FAF1: variants seen among roughly 807,000 people sequenced by gnomAD.
FAF1 encodes FAS-associated factor 1.
FAF1 carries 25 observed loss-of-function variants against 92.5 expected under a neutral mutation model. That is an observed-to-expected ratio of 0.27 (90% CI 0.20 to 0.38). The LOEUF (loss-of-function observed/expected upper bound fraction) is 0.38. Ranked by LOEUF, FAF1 falls within the 10% of genes least tolerant of loss-of-function variation. The pLI, the probability that FAF1 is intolerant of heterozygous loss-of-function variation, is 1.00. For synonymous variants in FAF1, 234 were observed against 273.2 expected, an observed-to-expected ratio of 0.86 and a Z score of 1.42; for missense variants, 636 against 793.3, an observed-to-expected ratio of 0.80 and a Z score of 2.38.
chr1:50,834,712 A>AT (rs1408696213), intron 2 of FAF1, among the ~76,000 whole-genome samples: 1 of 152,256 alleles, frequency 6.6e-6, no homozygotes, highest in African/African-American at 2.4e-5. Flanking sequence ...GGAAAAGTAT[A>AT]TTCATAGTGT....
intron 1 of FAF1, among the ~76,000 whole-genome samples, chr1:50,883,799 T>C (rs914977360): frequency 6.6e-6 from 1 of 152,208 alleles, no homozygotes; most frequent in African/African-American, 2.4e-5. Flanking sequence ...ATTATGGAAT[T>C]ATTAATTTAC....
At chr1:50,453,203 G>GA (rs540214722) in intron 18 of FAF1, among the ~76,000 whole-genome samples, 5 of 152,290 alleles carry the variant, frequency 3.3e-5, no homozygotes, top group Admixed American at 1.3e-4. Flanking sequence ...TTAAACTTCT[G>GA]AAAAAATCTT....
chr1:50,713,853 A>G (rs545238561), intron 6 of FAF1, among the ~76,000 whole-genome samples: 12 of 141,798 alleles, frequency 8.5e-5, no homozygotes, highest in Admixed American at 2.3e-4. Context: ...GGTTCACTGT[A>G]ACCTCTGCCT....
chr1:50,818,456 C>T (rs1306155285), intron 2 of FAF1, among the ~76,000 whole-genome samples: 1 of 152,070 alleles, frequency 6.6e-6, no homozygotes, highest in Non-Finnish European at 1.5e-5. Context: ...ATATTCGTAC[C>T]GGATACAACC....
At chr1:50,630,218 T>C (rs948406803) in intron 8 of FAF1, among the ~76,000 whole-genome samples, 1 of 152,178 alleles carries the variant, frequency 6.6e-6, no homozygotes, top group African/African-American at 2.4e-5. Flanking sequence ...TTATTTTGGT[T>C]CCCTGGAGTC....
chr1:50,596,086 C>A (rs1304655868), intron 9 of FAF1, 35 bp downstream of exon 9: 1 of 1,471,910 alleles, frequency 6.8e-7, no homozygotes, highest in East Asian at 2.3e-5. Flanking sequence ...GGGGATGGGC[C>A]TTCTGTTCAA....
intron 6 of FAF1, among the ~76,000 whole-genome samples, chr1:50,709,217 C>T (rs1206871201): frequency 1.3e-5 from 2 of 152,172 alleles, no homozygotes; most frequent in African/African-American, 4.8e-5. Context: ...CTTCCAAATA[C>T]TGCACAGCTT....
At chr1:50,842,225 T>A (rs1644261719) in intron 2 of FAF1, among the ~76,000 whole-genome samples, 1 of 152,086 alleles carries the variant, frequency 6.6e-6, no homozygotes, top group South Asian at 2.1e-4. Context: ...TTCATTCTCA[T>A]GTAAAAACTC....
chr1:50,588,995 G>A (rs1651376504), intron 9 of FAF1, among the ~76,000 whole-genome samples: 1 of 152,206 alleles, frequency 6.6e-6, no homozygotes, highest in South Asian at 2.1e-4. Flanking sequence ...GACCAGCTAG[G>A]GTTAGGTGAC....
chr1:50,608,557 A>C (rs1374554804), intron 8 of FAF1, among the ~76,000 whole-genome samples: 1 of 152,180 alleles, frequency 6.6e-6, no homozygotes, highest in Non-Finnish European at 1.5e-5. Flanking sequence ...CATTGCTTCA[A>C]TGAGTACAAC....
intron 8 of FAF1, among the ~76,000 whole-genome samples, chr1:50,620,518 C>T (rs754530839): frequency 1.1e-4 from 16 of 152,182 alleles, no homozygotes; most frequent in South Asian, 2.1e-4. Context: ...CAATGCACTT[C>T]GTTGACATCC....
At chr1:50,523,506 C>CA (rs1647617498) in intron 15 of FAF1, among the ~76,000 whole-genome samples, 1 of 152,134 alleles carries the variant, frequency 6.6e-6, no homozygotes, top group East Asian at 1.9e-4. Flanking sequence ...TGTATTTCCC[C>CA]AAAGACTACT....
chr1:50,523,921 C>T (rs1425952482), intron 15 of FAF1, among the ~76,000 whole-genome samples: 1 of 152,196 alleles, frequency 6.6e-6, no homozygotes, highest in Non-Finnish European at 1.5e-5. Flanking sequence ...AATGGGATTG[C>T]TGAGTCGAAT....
At chr1:50,786,577 G>A (rs1436262202) in intron 4 of FAF1, among the ~76,000 whole-genome samples, 1 of 152,116 alleles carries the variant, frequency 6.6e-6, no homozygotes, top group African/African-American at 2.4e-5. Flanking sequence ...CATATTATGT[G>A]TTTTTTACCA....
intron 15 of FAF1, among the ~76,000 whole-genome samples, chr1:50,508,956 G>A (rs537356636): frequency 1.2e-4 from 18 of 152,150 alleles, no homozygotes; most frequent in South Asian, 4.2e-4. Context: ...CACCCACCTC[G>A]GCCTCCCAAA....
At chr1:50,644,031 A>T (rs897458934) in intron 8 of FAF1, among the ~76,000 whole-genome samples, 7 of 152,210 alleles carry the variant, frequency 4.6e-5, no homozygotes, top group African/African-American at 7.2e-5. Context: ...TCATTATCTA[A>T]GTAACTTCCA....
intron 8 of FAF1, among the ~76,000 whole-genome samples, chr1:50,613,212 T>TA (rs1028438802): frequency 3.3e-5 from 5 of 152,210 alleles, no homozygotes; most frequent in African/African-American, 1.2e-4. Flanking sequence ...AAACTATCAT[T>TA]AGAGTTTAAA....
chr1:50,553,989 T>C (rs965981199), intron 13 of FAF1, among the ~76,000 whole-genome samples: 1 of 151,836 alleles, frequency 6.6e-6, no homozygotes, highest in South Asian at 2.1e-4. Flanking sequence ...AAGCATGTTA[T>C]AGAAAAAAAG....
intron 1 of FAF1, among the ~76,000 whole-genome samples, chr1:50,878,769 TTA>T (rs1401631273): frequency 6.6e-6 from 1 of 152,170 alleles, no homozygotes; most frequent in Non-Finnish European, 1.5e-5. Context: ...GCAACTTAGT[TTA>T]TCTCATTTAA....
Sources: allele counts gnomAD v4.1 joint callset (sites outside exome capture counted in the v4.1 genomes callset), GRCh38; gene constraint gnomAD v4.1.1; transcripts MANE v1.5; gene names NCBI Gene and HGNC (gene_info 2026-07-23, HGNC 2026-07-21).